The following ARMH1 variants were observed in gnomAD, a reference collection of about 807,000 sequenced individuals.
ARMH1 encodes the protein armadillo-like helical domain containing protein 1.
In ARMH1, 34 loss-of-function variants were observed where a neutral mutation model predicts 50.2. The ratio of observed to expected loss-of-function variants is 0.68; its 90% confidence interval spans 0.51 to 0.90. The LOEUF is 0.90. ARMH1 is among the 40% of genes least tolerant of loss of function. The pLI, the probability that ARMH1 is intolerant of heterozygous loss-of-function variation, is 0.00. For missense variants in ARMH1, 538 were observed against 553.9 expected (o/e 0.97, Z 0.29); for synonymous variants, 221 against 224.2 (o/e 0.99, Z 0.13).
intron 1 of ARMH1, among the ~76,000 whole-genome samples, chr1:44,676,988 G>A (rs1645160720): frequency 6.6e-6 from 1 of 152,196 alleles, no homozygotes; most frequent in Non-Finnish European, 1.5e-5. Flanking sequence ...GAAGGGTGGA[G>A]GAACATTTGT....
chr1:44,688,910 G>A (rs1005746046), intron 1 of ARMH1, among the ~76,000 whole-genome samples: 1 of 152,038 alleles, frequency 6.6e-6, no homozygotes, highest in African/African-American at 2.4e-5. Flanking sequence ...TTAAGAGTTA[G>A]TGTAAAAGCC....
chr1:44,699,148 G>A lies in ARMH1; in HGVS notation c.442+919G>A, dbSNP rs552086867. ...ATACAAAAAAAAATTCAAACGCATG[G>A]TGGCACGCACCTGTAATGGCAGCTA... is the stretch of plus-strand genomic sequence containing the variant. On this transcript the variant is annotated intron_variant, in intron 4 of 11. Coordinates refer to ENST00000535358, the MANE Select transcript of ARMH1 (RefSeq NM_001145636.2). Among the ~76,000 whole-genome samples, 125 of 152,052 alleles carry A rather than the reference G, an allele frequency of 8.2e-4. 1 individual carries two copies. The highest frequency in any genetic ancestry group is 3.0e-3 in the African/African-American group (124 of 41,488).
intron 1 of ARMH1, among the ~76,000 whole-genome samples, chr1:44,685,044 T>C (rs1645424380): frequency 6.6e-6 from 1 of 151,850 alleles, no homozygotes; most frequent in African/African-American, 2.4e-5. Flanking sequence ...CAAACAAGCT[T>C]CCACTGACTG....
rs1424359261 is a variant in ARMH1, at chr1:44,689,757, G to A, written c.60G>A (p.Trp20Ter). 6.4e-7 allele frequency: 1 copy of A among 1,551,946 alleles called. No homozygotes were observed. The highest frequency in any genetic ancestry group is 8.7e-7 in the Non-Finnish European group (1 of 1,147,062). Reference sequence around the variant, plus strand: ...GGCTCTTAAGTTTTTTACAGGAGTGGGACAACGCTGGCAAAGTCGCAAGGA... The same window carrying A: ...GGCTCTTAAGTTTTTTACAGGAGTGAGACAACGCTGGCAAAGTCGCAAGGA... ...ISRLLSFLQE[W>*]DNAGKVARSH... The change falls in exon 2 of 12, where the codon TGG becomes TGA. Residue 20 changes from tryptophan (W) to a stop codon, truncating the protein, a stop_gained. Coordinates refer to ENST00000535358, the MANE Select transcript of ARMH1 (RefSeq NM_001145636.2). LOFTEE classifies it high-confidence loss of function.
At position 44,674,799 on chromosome 1, in the gene ARMH1, AAG is replaced by A. The variant is rs1366724084; in HGVS notation, c.-94_-93del. On this transcript the variant is annotated 5_prime_UTR_variant, in exon 1 of 12. The change abolishes the stop of an existing upstream ORF in the 5' untranslated region. Transcript: ENST00000535358. ...AACAGAGTCCTATCCTACGCGGCGG[AAG>A]AGTGTGCCCTTTGACTTGCATCGTC... 5.6e-6 allele frequency: 1 copy of A among 177,260 alleles called. No homozygotes were observed. The highest frequency in any genetic ancestry group is 2.4e-5 in the African/African-American group (1 of 42,394). The allele number at this position is 177,260 out of a possible 1,614,324, so 11.0% of individuals were successfully genotyped here.
At chr1:44,684,227 G>A (rs1645397768) in intron 1 of ARMH1, among the ~76,000 whole-genome samples, 1 of 152,030 alleles carries the variant, frequency 6.6e-6, no homozygotes, top group South Asian at 2.1e-4. Flanking sequence ...TTTTTCCACT[G>A]TTTTCATCTT....
In ARMH1 at chr1:44,689,877, A is replaced by T. The variant is rs534461813; in HGVS notation, c.180A>T (p.Val60=). Residue 60 remains valine, a synonymous_variant, in exon 2 of 12, where the codon GTA becomes GTT. Transcript: ENST00000535358. ...EFSQGASLFL[V]RLTTSLRITY... ...CCCAGGGAGCCAGTTTGTTCCTGGT[A>T]CGCTTGACCACCTCGCTTAGAATCA... 6.1e-5 allele frequency: 95 copies of T among 1,550,668 alleles called. No homozygotes were observed. In the South Asian group the frequency reaches 7.6e-4, roughly 12 times the overall value.
chr1:44,688,401 A>T (rs995202780), intron 1 of ARMH1: 1 of 152,240 alleles, frequency 6.6e-6, no homozygotes, highest in African/African-American at 2.4e-5. Flanking sequence ...CCCCATCAAT[A>T]TCTCAAATAC....
chr1:44,690,594 C>T (rs1037077640), intron 2 of ARMH1, among the ~76,000 whole-genome samples: 1 of 152,156 alleles, frequency 6.6e-6, no homozygotes, highest in Non-Finnish European at 1.5e-5. Context: ...GAAATCTCTT[C>T]TACTTTAAAA....
rs546669187 is a variant in ARMH1 at position 44,722,169 on chromosome 1, T to G, written c.725-1953T>G. ...AACAAGAGTTCCTCTAAACCCTCTC[T>G]CTCTTACCAGTAAATGGAGAGAGGC... On this transcript the variant is annotated intron_variant, in intron 6 of 11. Transcript: ENST00000535358. 6.6e-5 allele frequency among the ~76,000 whole-genome samples: 10 copies of G among 152,282 alleles called. 1 individual carries two copies. The Middle Eastern group carries it at 0.01, about 155-fold the overall frequency.
rs987571783 is a variant in ARMH1 at position 44,679,603 on chromosome 1, C to G, written c.-23+4730C>G. Reference sequence around the variant, plus strand: ...TAACTGACCGTTCATGGCACTGAATCCCTGTCCTTAGTGTCCAAAGATGAC... The same window carrying G: ...TAACTGACCGTTCATGGCACTGAATGCCTGTCCTTAGTGTCCAAAGATGAC... On this transcript the variant is annotated intron_variant, in intron 1 of 11. Transcript: ENST00000535358. 2.6e-5 allele frequency among the ~76,000 whole-genome samples: 4 copies of G among 152,200 alleles called. No individual in the cohort carries two copies. The South Asian group carries it at 8.3e-4, about 31-fold the overall frequency.
intron 6 of ARMH1, among the ~76,000 whole-genome samples, chr1:44,719,983 A>T (rs940199607): frequency 2.0e-4 from 30 of 151,946 alleles, no homozygotes; most frequent in Non-Finnish European, 2.5e-4. Flanking sequence ...TCACCTGAGG[A>T]CAGGAGTTAG....
In ARMH1 at chr1:44,692,483, C is replaced by A. The variant is rs1645690430; in HGVS notation, c.206+2580C>A. ...CCCACTGGATTTTAGATCCAGTGGG[C>A]AAGAATCGCATCTGTTCTACTTATC... On this transcript the variant is annotated intron_variant, in intron 2 of 11. Coordinates refer to ENST00000535358, the MANE Select transcript of ARMH1 (RefSeq NM_001145636.2). Among the ~76,000 whole-genome samples, 4 of 152,128 alleles carry A rather than the reference C, an allele frequency of 2.6e-5. No homozygotes were observed. The South Asian group carries it at 8.3e-4, about 31-fold the overall frequency.
chr1:44,683,388 C>T lies in ARMH1; in HGVS notation c.-22-6288C>T, dbSNP rs779935715. Among the ~76,000 whole-genome samples, 3 of 152,156 alleles carry T rather than the reference C, an allele frequency of 2.0e-5. No homozygotes were observed. The highest frequency in any genetic ancestry group is 4.4e-5 in the Non-Finnish European group (3 of 68,034). On this transcript the variant is annotated intron_variant, in intron 1 of 11. Coordinates refer to ENST00000535358, the MANE Select transcript of ARMH1 (RefSeq NM_001145636.2). The surrounding 1 kb of genome is among the most constrained non-coding windows in gnomAD (Gnocchi z 4.2). ...AGACTGAGGAGACGGATTTGAGAGT[C>T]GTGCGCCTATAAATGTAATTTGAAG... is the stretch of plus-strand genomic sequence containing the variant.
intron 1 of ARMH1, among the ~76,000 whole-genome samples, chr1:44,685,593 G>A (rs1371762937): frequency 2.0e-5 from 3 of 151,668 alleles, no homozygotes; most frequent in Non-Finnish European, 2.9e-5. Flanking sequence ...TTATAGGCAT[G>A]AGCCACCATA....
At chr1:44,713,907 G>A (rs1233426358) in intron 6 of ARMH1, among the ~76,000 whole-genome samples, 1 of 152,122 alleles carries the variant, frequency 6.6e-6, no homozygotes, top group Non-Finnish European at 1.5e-5. Flanking sequence ...TTTGTTGCCT[G>A]GCTTTAAAAA....
At chr1:44,708,401 G>C (rs1045829325) in intron 6 of ARMH1, among the ~76,000 whole-genome samples, 1 of 152,178 alleles carries the variant, frequency 6.6e-6, no homozygotes. Flanking sequence ...GGCAGGGTTG[G>C]TTTGTTTCTT....
At chr1:44,721,585 C>T (rs375605073) in intron 6 of ARMH1, among the ~76,000 whole-genome samples, 11 of 151,960 alleles carry the variant, frequency 7.2e-5, no homozygotes, top group African/African-American at 2.2e-4. Flanking sequence ...GACAGTAGGC[C>T]GGGCACTACA....
chr1:44,703,574 A>AC (rs2148675415), intron 5 of ARMH1, among the ~76,000 whole-genome samples: 1 of 150,422 alleles, frequency 6.6e-6, no homozygotes, highest in Non-Finnish European at 1.5e-5. Flanking sequence ...AAAAAAAAAA[A>AC]AAAAATTAGC....
Sources: allele counts gnomAD v4.1 joint callset (sites outside exome capture counted in the v4.1 genomes callset), GRCh38; gene constraint gnomAD v4.1.1; non-coding constraint Gnocchi (gnomAD v3.1); transcripts MANE v1.5; gene names NCBI Gene and HGNC (gene_info 2026-07-23, HGNC 2026-07-21).